The following PRMT9 variants were observed in gnomAD, a reference collection of about 807,000 sequenced individuals.
PRMT9 encodes the protein protein arginine N-methyltransferase 9.
A neutral mutation model predicts 83.2 loss-of-function variants in PRMT9; 59 were observed. The ratio of observed to expected loss-of-function variants is 0.71; its 90% CI spans 0.57 to 0.88. The LOEUF is 0.88. PRMT9 is among the 40% of genes least tolerant of loss of function. PRMT9 has a pLI of 0.00. For synonymous variants in PRMT9, 333 were observed against 353.2 expected (o/e 0.94, Z 0.64); for missense variants, 947 against 1,021.9 (o/e 0.93, Z 1.00).
intron 6 of PRMT9, among the ~76,000 whole-genome samples, chr4:147,664,657 G>A (rs1735198614): frequency 6.6e-6 from 1 of 152,070 alleles, no homozygotes. Context: ...GCAAGGGGAG[G>A]GAGAGCATTA....
At chr4:147,671,983 C>T (rs1247282183) in intron 4 of PRMT9, 8 of 444,560 alleles carry the variant, frequency 1.8e-5, no homozygotes, top group Admixed American at 1.0e-4. Context: ...CTTGCCAACA[C>T]CTTGATCATG....
chr4:147,659,029 A>C (rs886830214), intron 7 of PRMT9, among the ~76,000 whole-genome samples: 1 of 152,002 alleles, frequency 6.6e-6, no homozygotes, highest in Admixed American at 6.6e-5. Flanking sequence ...AATACAAAAA[A>C]GTAGTCGGGC....
intron 10 of PRMT9, among the ~76,000 whole-genome samples, chr4:147,640,197 C>G (rs949828307): frequency 3.3e-5 from 5 of 151,328 alleles, no homozygotes; most frequent in Non-Finnish European, 7.4e-5. Context: ...CTCAGCCTCC[C>G]AAGTAGCTAG....
intron 4 of PRMT9, among the ~76,000 whole-genome samples, chr4:147,671,274 T>C (rs1735713295): frequency 6.6e-6 from 1 of 152,230 alleles, no homozygotes; most frequent in African/African-American, 2.4e-5. Flanking sequence ...TCTATGATAC[T>C]GCATCATCCA....
rs900908475 is a variant in PRMT9, at chr4:147,642,919, G to A, written c.2067C>T (p.Gly689=). ...TCAGCACATACTGAGGAAAGATCTTGCCTCCAGATTGTAGTAAACACCTAA... is the reference window on the plus strand; with the variant it reads ...TCAGCACATACTGAGGAAAGATCTTACCTCCAGATTGTAGTAAACACCTAA... ...AISRCLLQSG[G]KIFPQYVLMF... The change falls in exon 10 of 12, where the codon GGC becomes GGT. Residue 689 remains glycine (G), a synonymous_variant. Coordinates refer to ENST00000322396, the MANE Select transcript of PRMT9 (RefSeq NM_138364.4). The A allele has an allele frequency of 4.3e-6, 7 of 1,614,046 alleles. No individual in the cohort carries two copies. The highest frequency in any genetic ancestry group is 5.1e-6 in the Non-Finnish European group (6 of 1,179,922).
rs544659289 is a variant in PRMT9, at chr4:147,675,644, A to C, written c.339-1770T>G. ...ATTTAATACATTATCAATTTCCTTA[A>C]ACTGAAATTCTAATCTAAAAAATAT... On this transcript the variant is annotated intron_variant, in intron 2 of 11. Coordinates refer to ENST00000322396, the MANE Select transcript of PRMT9 (RefSeq NM_138364.4). 1.2e-4 allele frequency among the ~76,000 whole-genome samples: 19 copies of C among 152,294 alleles called. No homozygotes were observed. The South Asian group carries it at 1.4e-3, about 12-fold the overall frequency.
At chr4:147,641,537 C>G (rs932768994) in intron 10 of PRMT9, among the ~76,000 whole-genome samples, 1 of 152,200 alleles carries the variant, frequency 6.6e-6, no homozygotes, top group Non-Finnish European at 1.5e-5. Flanking sequence ...TTTATGTCCA[C>G]AGCACTTCTC....
At position 147,684,109 on chromosome 4, in the gene PRMT9, T is replaced by G; in HGVS notation, c.-122A>C. On this transcript the variant is annotated 5_prime_UTR_variant, in exon 1 of 12. Transcript: ENST00000322396. ...AAAAAACAGCACAGCAAAGTTACCC[T>G]CCGCCGCGGGTGAACTCGCCAACCC... 8.6e-7 allele frequency: 1 copy of G among 1,168,264 alleles called. No individual in the cohort carries two copies. Among genetic ancestry groups the G allele is most frequent in the Non-Finnish European group, 1.2e-6 (1 of 814,030 alleles). 72.4% of individuals were successfully genotyped at this position (1,168,264 alleles called of 1,614,324 possible). A position where few individuals can be genotyped will look rare whatever the true frequency, so the allele number is the denominator to read the frequency against.
intron 4 of PRMT9, chr4:147,672,187 G>A (rs1735783349): frequency 8.3e-6 from 2 of 241,164 alleles, no homozygotes; most frequent in South Asian, 9.8e-5. Context: ...ATGTAGAGAC[G>A]ATTGAAAAGT....
Position 147,683,822 on chromosome 4 carries a change from G to T in PRMT9, c.166C>A (p.Pro56Thr). ...AHYLLVLSLA[P>T]ELKHDVKETF... ...ACCTTCACGTCGTGTTTCAGCTCCG[G>T]CGCCAGGCTGAGCACGAGGAGGTAG... Residue 56 changes from proline to threonine, a missense_variant, in exon 1 of 12, where the codon CCG becomes ACG. By Grantham distance (38) the Pro-to-Thr change is conservative. Transcript: ENST00000322396. 1.9e-6 allele frequency: 3 copies of T among 1,611,048 alleles called. No individual in the cohort carries two copies. Among genetic ancestry groups the T allele is most frequent in the Non-Finnish European group, 2.5e-6 (3 of 1,178,928 alleles).
At chr4:147,683,260 G>A (rs1736614796) in intron 1 of PRMT9, among the ~76,000 whole-genome samples, 1 of 152,174 alleles carries the variant, frequency 6.6e-6, no homozygotes, top group South Asian at 2.1e-4. Context: ...AGGATCACGT[G>A]AGACCTCATT....
chr4:147,653,989 C>T lies in PRMT9; in HGVS notation c.1908G>A (p.Trp636Ter). Reference protein sequence around the residue: ...NHFPKETLEFWLRHVEDESAM... With the variant: ...NHFPKETLEF ...CAGATTCATCCTCCACATGTCTCAG[C>T]CAAAACTCAAGTGTTTCTTTAGGAA... The change falls in exon 9 of 12, where the codon TGG becomes TGA. Residue 636 changes from tryptophan to a stop codon, truncating the protein, a stop_gained. Coordinates refer to ENST00000322396, the MANE Select transcript of PRMT9 (RefSeq NM_138364.4). LOFTEE classifies it high-confidence loss of function. 6.2e-7 allele frequency: 1 copy of T among 1,614,176 alleles called. No individual in the cohort carries two copies. The highest frequency in any genetic ancestry group is 1.1e-5 in the South Asian group (1 of 91,072).
chr4:147,639,337 G>C, intron 10 of PRMT9: 1 of 404,520 alleles, frequency 2.5e-6, no homozygotes, highest in Non-Finnish European at 4.6e-6. Context: ...AATTTGCTCT[G>C]GTTTCCATTA....
At chr4:147,650,252 A>T (rs1243704513) in intron 9 of PRMT9, among the ~76,000 whole-genome samples, 1 of 152,234 alleles carries the variant, frequency 6.6e-6, no homozygotes, top group Admixed American at 6.5e-5. Context: ...TTCATAGATG[A>T]TATGTCATAT....
Position 147,654,518 on chromosome 4 carries a change from T to C in PRMT9, c.1379A>G (p.Gln460Arg), listed in dbSNP as rs1421016521. 6.2e-7 allele frequency: 1 copy of C among 1,613,854 alleles called. No individual in the cohort carries two copies. Among genetic ancestry groups the C allele is most frequent in the Non-Finnish European group, 8.5e-7 (1 of 1,179,910 alleles). The part of the protein sequence containing the change: ...GDHVMMEVSC[Q>R]DCYLRIQSIS... ...ACTCTGGATTCTTAAGTAACAGTCT[T>C]GACAAGATACTTCCATCATCACATG... The change falls in exon 9 of 12, where the codon CAA (glutamine) becomes CGA (arginine). Residue 460 changes from glutamine to arginine, a missense_variant. Coordinates refer to ENST00000322396, the MANE Select transcript of PRMT9 (RefSeq NM_138364.4).
At chr4:147,649,506 C>CTT (rs1012751502) in intron 9 of PRMT9, among the ~76,000 whole-genome samples, 1 of 146,716 alleles carries the variant, frequency 6.8e-6, no homozygotes, top group Admixed American at 6.8e-5. Flanking sequence ...TAAGAATGAA[C>CTT]TTTTTTTTTT....
At chr4:147,673,480 T>C (rs1014600374) in intron 3 of PRMT9, among the ~76,000 whole-genome samples, 158 bp downstream of exon 3, 2 of 152,208 alleles carry the variant, frequency 1.3e-5, no homozygotes, top group Non-Finnish European at 2.9e-5. Context: ...CAGTTCTTGA[T>C]AAAAGTTATA....
chr4:147,659,004 C>A (rs899487961), intron 7 of PRMT9, among the ~76,000 whole-genome samples: 3 of 151,982 alleles, frequency 2.0e-5, no homozygotes, highest in Admixed American at 6.6e-5. Flanking sequence ...ACGGTGAAAC[C>A]CCGTCTCTAC....
chr4:147,657,405 G>A (rs1440006462), intron 8 of PRMT9, among the ~76,000 whole-genome samples: 1 of 151,944 alleles, frequency 6.6e-6, no homozygotes, highest in African/African-American at 2.4e-5. Context: ...GGCGCCTGTA[G>A]TCTCAGCTAC....
Sources: allele counts gnomAD v4.1 joint callset (sites outside exome capture counted in the v4.1 genomes callset), GRCh38; gene constraint gnomAD v4.1.1; transcripts MANE v1.5; gene names NCBI Gene and HGNC (gene_info 2026-07-23, HGNC 2026-07-21).